Variants in TSHR observed in about 807,000 individuals in gnomAD.
TSHR encodes the protein thyrotropin receptor.
TSHR carries 51 observed loss-of-function variants against 64.1 expected under a neutral mutation model. The observed-to-expected ratio is 0.80, with a 90% CI of 0.64 to 1.01. The LOEUF (loss-of-function observed/expected upper bound fraction) is 1.01, where lower values mean the gene tolerates loss of function less well. TSHR is among the 50% of genes least tolerant of loss of function. TSHR has a pLI of 0.00. For missense variants in TSHR, 877 were observed against 942.8 expected, an observed-to-expected ratio of 0.93 and a Z score of 0.91; for synonymous variants, 361 against 361.9, an observed-to-expected ratio of 1.00 and a Z score of 0.03.
intron 1 of TSHR, among the ~76,000 whole-genome samples, chr14:80,984,450 G>A (rs560591257): frequency 3.3e-5 from 5 of 152,182 alleles, no homozygotes; most frequent in South Asian, 2.1e-4. Context: ...CTAGGTACTC[G>A]TGTTTTTATT....
At chr14:81,035,648 C>T (rs1163891936) in intron 1 of TSHR, among the ~76,000 whole-genome samples, 1 of 152,160 alleles carries the variant, frequency 6.6e-6, no homozygotes, top group Non-Finnish European at 1.5e-5. Context: ...TGTTTATTCC[C>T]TACCACATCA....
chr14:80,982,541 G>C (rs937165293), intron 1 of TSHR: 1 of 1,012,314 alleles, frequency 9.9e-7, no homozygotes, highest in African/African-American at 1.6e-5. Flanking sequence ...GATGATGCTA[G>C]TTTTGACCCT....
At chr14:81,032,063 A>G (rs920665572) in intron 1 of TSHR, among the ~76,000 whole-genome samples, 3 of 152,244 alleles carry the variant, frequency 2.0e-5, no homozygotes, top group African/African-American at 7.2e-5. Context: ...TCTTAAGGAA[A>G]CTCAGATACA....
At chr14:81,099,893 G>A (rs892754443) in intron 7 of TSHR, among the ~76,000 whole-genome samples, 5 of 152,220 alleles carry the variant, frequency 3.3e-5, no homozygotes, top group Non-Finnish European at 7.3e-5. Context: ...CAATCAGGAA[G>A]TGTTAGTGTG....
At chr14:81,105,970 A>T (rs1889866301) in intron 7 of TSHR, among the ~76,000 whole-genome samples, 1 of 151,908 alleles carries the variant, frequency 6.6e-6, no homozygotes, top group Admixed American at 6.5e-5. Flanking sequence ...TTTTTTTTCA[A>T]GGTGGATTTT....
At position 81,068,296 on chromosome 14, in the gene TSHR, C is replaced by A; in HGVS notation, c.285C>A (p.His95Gln). Reference protein sequence around the residue: ...IDVTLQQLESHSFYNLSKVTH... With the variant: ...IDVTLQQLESQSFYNLSKVTH... Reference sequence around the variant, plus strand: ...TGACTCTGCAGCAGCTGGAATCACACTCCTTCTACAATTTGAGTAAAGTGA... The same window carrying A: ...TGACTCTGCAGCAGCTGGAATCACAATCCTTCTACAATTTGAGTAAAGTGA... Residue 95 changes from histidine (H) to glutamine (Q), a missense_variant, in exon 3 of 10, where the codon CAC becomes CAA. His to Gln is a conservative substitution (Grantham distance 24). Coordinates refer to ENST00000298171, the MANE Select transcript of TSHR (RefSeq NM_000369.5). The A allele has an allele frequency of 6.2e-7, 1 of 1,613,278 alleles. No homozygotes were observed. The highest frequency in any genetic ancestry group is 1.1e-5 in the South Asian group (1 of 91,066).
At chr14:81,108,827 A>T in intron 8 of TSHR, 1 of 1,523,664 alleles carries the variant, frequency 6.6e-7, no homozygotes, top group Non-Finnish European at 8.8e-7. Context: ...ACCTGAATGT[A>T]CATTGCACAA....
chr14:81,139,577 C>A, intron 8 of TSHR, 102 bp from the exon 9 acceptor site: 1 of 1,192,642 alleles, frequency 8.4e-7, no homozygotes, highest in South Asian at 1.2e-5. Flanking sequence ...AGGAGCATAT[C>A]ATCTCCCAAT....
intron 2 of TSHR, among the ~76,000 whole-genome samples, chr14:81,065,132 G>A (rs901138721): frequency 2.6e-5 from 4 of 152,106 alleles, no homozygotes; most frequent in South Asian, 4.1e-4. Flanking sequence ...TCCACTTCCC[G>A]CCTCACAGAT....
chr14:81,120,113 G>A lies in TSHR; in HGVS notation c.692+11661G>A, dbSNP rs541207709. On this transcript the variant is annotated intron_variant, in intron 8 of 9. Transcript: ENST00000298171. ...GTTAGTGGGTGCAGCGCACCAGCATGGCACATGTATACATATGTAACTAAC... is the reference window on the plus strand; with the variant it reads ...GTTAGTGGGTGCAGCGCACCAGCATAGCACATGTATACATATGTAACTAAC... Among the ~76,000 whole-genome samples the A allele has an allele frequency of 3.2e-3, 477 of 146,826 alleles. No homozygotes were observed. In the Middle Eastern group the frequency reaches 0.034, roughly 10 times the overall value.
At chr14:81,097,168 AACAATAG>A (rs1462383349) in intron 7 of TSHR, among the ~76,000 whole-genome samples, 1 of 152,202 alleles carries the variant, frequency 6.6e-6, no homozygotes, top group African/African-American at 2.4e-5. Flanking sequence ...TGAAACAGCA[AACAATAG>A]ACTTTGTGTT....
At chr14:80,979,813 T>G (rs1422040988) in intron 1 of TSHR, among the ~76,000 whole-genome samples, 1 of 152,232 alleles carries the variant, frequency 6.6e-6, no homozygotes, top group Non-Finnish European at 1.5e-5. Context: ...CCATTTCATT[T>G]GTTTTCATCT....
In TSHR at chr14:80,955,780, G is replaced by A. The variant is rs45499704; in HGVS notation, c.100G>A (p.Glu34Lys). ...GTCTCCACCCTGCGAGTGCCATCAG[G>A]AGGAGGACTTCAGAGTCACCTGCAA... ...CSSPPCECHQ[E>K]EDFRVTCKDI... is the part of the protein sequence containing the mutation. Residue 34 changes from glutamate (E) to lysine (K), a missense_variant, in exon 1 of 10, where the codon GAG becomes AAG. Transcript: ENST00000298171. 443 of 1,614,218 alleles carry A rather than the reference G, an allele frequency of 2.7e-4. 2 individuals carry two copies. Among genetic ancestry groups the A allele is most frequent in the Admixed American group, 4.2e-4 (25 of 60,030 alleles).
At chr14:81,059,066 G>C (rs1886037092) in intron 1 of TSHR, among the ~76,000 whole-genome samples, 1 of 152,108 alleles carries the variant, frequency 6.6e-6, no homozygotes, top group African/African-American at 2.4e-5. Context: ...GAGCACATGT[G>C]TCTGGGGGTC....
rs139286618 is a variant in TSHR at position 81,142,987 on chromosome 14, G to A, written c.929G>A (p.Arg310His). ...MCNESSMQSL[R>H]QRKSVNALNS... ...AATGAGAGCAGTATGCAGAGCTTGC[G>A]CCAGAGAAAATCTGTGAATGCCTTG... The change falls in exon 10 of 10, where the codon CGC (arginine) becomes CAC (histidine). Residue 310 changes from arginine (R) to histidine (H), a missense_variant. Coordinates refer to ENST00000298171, the MANE Select transcript of TSHR (RefSeq NM_000369.5). 3.6e-4 allele frequency: 580 copies of A among 1,614,110 alleles called. 2 individuals are homozygous for A. In the African/African-American group the frequency reaches 3.9e-3, roughly 11 times the overall value.
chr14:81,096,625 T>C lies in TSHR; in HGVS notation c.546-14T>C. On this transcript the variant is annotated splice_polypyrimidine_tract_variant and intron_variant, in intron 6 of 9. Transcript: ENST00000298171. ...TCACCAGTCACTGATTTCTCTTCTCTCTGTTGGTTGTAGGAAGCTGTACAA... is the reference window on the plus strand; with the variant it reads ...TCACCAGTCACTGATTTCTCTTCTCCCTGTTGGTTGTAGGAAGCTGTACAA... 1 of 1,613,118 alleles carries C rather than the reference T, an allele frequency of 6.2e-7. No individual in the cohort carries two copies. The highest frequency in any genetic ancestry group is 8.5e-7 in the Non-Finnish European group (1 of 1,179,296).
intron 1 of TSHR, chr14:80,982,202 A>G: frequency 1.7e-6 from 1 of 588,246 alleles, no homozygotes; most frequent in South Asian, 2.3e-5. Context: ...AGATGAAGGA[A>G]GGAGCCCCTG....
At chr14:80,965,725 C>T (rs547760917) in intron 1 of TSHR, among the ~76,000 whole-genome samples, 1 of 152,098 alleles carries the variant, frequency 6.6e-6, no homozygotes, top group Non-Finnish European at 1.5e-5. Flanking sequence ...GATATCAGAC[C>T]CTACTTACTT....
chr14:81,118,913 A>C (rs554136118), intron 8 of TSHR, among the ~76,000 whole-genome samples: 3 of 148,880 alleles, frequency 2.0e-5, no homozygotes, highest in Non-Finnish European at 3.0e-5. Flanking sequence ...ACCTGAGAAA[A>C]ACAAGCAATG....
Sources: gnomAD v4.1 joint callset for allele counts (sites outside exome capture counted in the v4.1 genomes callset) on GRCh38, gnomAD v4.1.1 for gene constraint, MANE v1.5 for transcripts, NCBI Gene and HGNC (gene_info 2026-07-23, HGNC 2026-07-21) for gene names.